Variants in PREP observed in about 807,000 individuals in gnomAD.
The protein encoded by PREP is prolyl endopeptidase.
A neutral mutation model predicts 87.6 loss-of-function variants in PREP; 29 were observed. The ratio of observed to expected loss-of-function variants is 0.33; its 90% CI spans 0.25 to 0.45. The LOEUF (loss-of-function observed/expected upper bound fraction) is 0.45. PREP is among the 20% of genes least tolerant of loss of function. The probability of loss-of-function intolerance (pLI) is 1.00; values close to 1 mark genes in which losing one functional copy is unlikely to be tolerated. For synonymous variants in PREP, 337 were observed against 328.6 expected (o/e 1.03, Z -0.28); for missense variants, 695 against 886.5 (o/e 0.78, Z 2.74).
In PREP at chr6:105,273,990, C is replaced by T. The variant is rs745529309; in HGVS notation, c.*4154G>A. Among the ~76,000 whole-genome samples the T allele has an allele frequency of 6.6e-6, 1 of 152,240 alleles. No individual in the cohort carries two copies. Among genetic ancestry groups the T allele is most frequent in the Non-Finnish European group, 1.5e-5 (1 of 68,050 alleles). On this transcript the variant is annotated 3_prime_UTR_variant, in exon 15 of 15. Coordinates refer to ENST00000652536, the MANE Select transcript of PREP (RefSeq NM_002726.5). ...TCGACTCAAATAGCATTCCTTCTCA[C>T]GGACTATTCATTTGCCCCACTTTGT... is the stretch of plus-strand genomic sequence containing the variant.
intron 6 of PREP, among the ~76,000 whole-genome samples, chr6:105,364,935 A>G (rs898723924): frequency 3.6e-4 from 54 of 152,022 alleles, no homozygotes; most frequent in African/African-American, 1.3e-3. Flanking sequence ...ATTGCAGCAC[A>G]TGCCTTTGGT....
chr6:105,278,086 C>G lies in PREP; in HGVS notation c.*58G>C. ...ATTATGCCCAGTGGTTTCTTGGTGT[C>G]AACGTGGGAAAGCCCTTGAGGTTTT... is the stretch of plus-strand genomic sequence containing the variant. On this transcript the variant is annotated 3_prime_UTR_variant, in exon 15 of 15. Coordinates refer to ENST00000652536, the MANE Select transcript of PREP (RefSeq NM_002726.5). This position sits in a 1 kb window ranked among gnomAD's most constrained non-coding sequence, Gnocchi z 4.2. 4 of 1,554,518 alleles carry G rather than the reference C, an allele frequency of 2.6e-6. No individual in the cohort carries two copies. The highest frequency in any genetic ancestry group is 3.5e-6 in the Non-Finnish European group (4 of 1,144,268).
chr6:105,401,550 T>C (rs371334954), intron 1 of PREP, among the ~76,000 whole-genome samples: 12 of 152,350 alleles, frequency 7.9e-5, no homozygotes, highest in African/African-American at 2.9e-4. Context: ...AGCGCTCTGG[T>C]CTTTTCATTT....
At chr6:105,363,249 T>C (rs1030264922) in intron 6 of PREP, among the ~76,000 whole-genome samples, 3 of 152,196 alleles carry the variant, frequency 2.0e-5, no homozygotes, top group African/African-American at 7.2e-5. Context: ...TTTTCCTTAA[T>C]CCTTTCTAAA....
intron 4 of PREP, among the ~76,000 whole-genome samples, chr6:105,374,749 A>C (rs1447742782): frequency 1.4e-5 from 2 of 145,186 alleles, no homozygotes; most frequent in Non-Finnish European, 3.0e-5. Flanking sequence ...AGTATGTTTA[A>C]AAATCATATA....
intron 6 of PREP, among the ~76,000 whole-genome samples, chr6:105,359,410 G>A (rs1193713578): frequency 1.3e-5 from 2 of 152,206 alleles, no homozygotes; most frequent in Non-Finnish European, 2.9e-5. Flanking sequence ...ACTCCTAAAT[G>A]ATGATTAAAG....
chr6:105,391,153 A>ATGG (rs1773135735), intron 2 of PREP, among the ~76,000 whole-genome samples: 1 of 150,452 alleles, frequency 6.6e-6, no homozygotes, highest in African/African-American at 2.5e-5. Flanking sequence ...TGAGGCCTCA[A>ATGG]GTGGATCACT....
At chr6:105,310,554 C>T (rs1299523726) in intron 10 of PREP, among the ~76,000 whole-genome samples, 1 of 152,198 alleles carries the variant, frequency 6.6e-6, no homozygotes, top group Non-Finnish European at 1.5e-5. Context: ...TCCTTTTAAT[C>T]CCTTTTCGTG....
Position 105,276,659 on chromosome 6 carries a change from T to TCA in PREP, c.*1484_*1485insTG, listed in dbSNP as rs1769937970. On this transcript the variant is annotated 3_prime_UTR_variant, in exon 15 of 15. Coordinates refer to ENST00000652536, the MANE Select transcript of PREP (RefSeq NM_002726.5). ...GTTTCCAGAGGAGTTATGGTGAATC[T>TCA]TATACTCAATGACAACTGTATTATG... Among the ~76,000 whole-genome samples the TCA allele has an allele frequency of 6.6e-6, 1 of 152,094 alleles. No homozygotes were observed. The highest frequency in any genetic ancestry group is 2.4e-5 in the African/African-American group (1 of 41,390).
intron 8 of PREP, among the ~76,000 whole-genome samples, chr6:105,332,887 G>C (rs533136007): frequency 8.1e-4 from 123 of 152,274 alleles, no homozygotes; most frequent in African/African-American, 2.9e-3. Flanking sequence ...TTTCTAATAA[G>C]AGGGCTCTAA....
chr6:105,354,512 G>A (rs1772040524), intron 6 of PREP, among the ~76,000 whole-genome samples: 1 of 149,034 alleles, frequency 6.7e-6, no homozygotes, highest in African/African-American at 2.5e-5. Context: ...TAGTTTAGAT[G>A]TTTGTGAAGT....
chr6:105,367,889 C>CA (rs1335505684), intron 6 of PREP, among the ~76,000 whole-genome samples: 2 of 152,134 alleles, frequency 1.3e-5, no homozygotes, highest in South Asian at 2.1e-4. Flanking sequence ...GGTTGTGCCA[C>CA]AAAAAAACTC....
rs1460815260 is a variant in PREP at position 105,402,745 on chromosome 6, G to A, written c.45+102C>T. ...AGGCCGAGGGGGAGGGGAGGGACGC[G>A]GGGGTCGAAGGCCTACAGGAAGAGG... On this transcript the variant is annotated intron_variant, in intron 1 of 14. Transcript: ENST00000652536. 4.5e-6 allele frequency: 5 copies of A among 1,106,274 alleles called. No homozygotes were observed. In the Admixed American group the frequency reaches 9.7e-5, roughly 22 times the overall value. 68.5% of individuals were successfully genotyped at this position (1,106,274 alleles called of 1,614,324 possible).
At chr6:105,344,441 G>A (rs1169025793) in intron 7 of PREP, among the ~76,000 whole-genome samples, 41 of 150,502 alleles carry the variant, frequency 2.7e-4, no homozygotes, top group Non-Finnish European at 5.6e-4. Context: ...GCAGTAAGCC[G>A]AGATCGTGCC....
chr6:105,357,469 T>C (rs552296806), intron 6 of PREP, among the ~76,000 whole-genome samples: 5 of 152,350 alleles, frequency 3.3e-5, no homozygotes, highest in African/African-American at 1.2e-4. Context: ...ACATTGCTGT[T>C]ATAACGCCAA....
At chr6:105,380,304 G>A (rs563584336) in intron 2 of PREP, among the ~76,000 whole-genome samples, 1 of 152,300 alleles carries the variant, frequency 6.6e-6, no homozygotes, top group East Asian at 1.9e-4. Flanking sequence ...GTGTGAAGAA[G>A]AGTAAGGAGG....
intron 2 of PREP, among the ~76,000 whole-genome samples, chr6:105,380,640 T>C (rs1173252239): frequency 6.6e-6 from 1 of 152,012 alleles, no homozygotes; most frequent in Non-Finnish European, 1.5e-5. Context: ...GCACAGCACA[T>C]GTTAGTTTGC....
At chr6:105,359,664 G>A (rs137955812) in intron 6 of PREP, among the ~76,000 whole-genome samples, 1 of 152,260 alleles carries the variant, frequency 6.6e-6, no homozygotes, top group Non-Finnish European at 1.5e-5. Context: ...TCTCAGACGA[G>A]AATCTCTCCA....
chr6:105,344,046 G>A (rs187797537), intron 7 of PREP, among the ~76,000 whole-genome samples: 7 of 152,238 alleles, frequency 4.6e-5, no homozygotes, highest in South Asian at 2.1e-4. Flanking sequence ...ATTATAAATC[G>A]TGCTGCTATA....
Sources: allele counts gnomAD v4.1 joint callset (sites outside exome capture counted in the v4.1 genomes callset), GRCh38; gene constraint gnomAD v4.1.1; non-coding constraint Gnocchi (gnomAD v3.1); transcripts MANE v1.5; gene names NCBI Gene and HGNC (gene_info 2026-07-23, HGNC 2026-07-21).